Variants in PCDHA6 observed in about 807,000 individuals in gnomAD.
PCDHA6 encodes the protein protocadherin alpha 6.
Under a neutral mutation model 60.3 loss-of-function variants are expected in PCDHA6, and 55 were observed. That is an observed-to-expected ratio of 0.91 (90% CI 0.73 to 1.14). The LOEUF is 1.14. Among genes scored for constraint, PCDHA6 ranks in the 50% most tolerant of loss-of-function variants. PCDHA6 has a pLI of 0.00. For missense variants in PCDHA6, 1,327 were observed against 1,256.5 expected (o/e 1.06, Z -0.85); for synonymous variants, 652 against 557.9 (o/e 1.17, Z -2.38).
At chr5:140,886,123 G>A (rs868933605) in intron 1 of PCDHA6, among the ~76,000 whole-genome samples, 53 of 152,236 alleles carry the variant, frequency 3.5e-4, no homozygotes, top group African/African-American at 1.2e-3. Flanking sequence ...ACATAGTTCC[G>A]TAACAACCAG....
At chr5:140,835,036 G>A (rs1554134704) in intron 1 of PCDHA6, 16 of 1,285,586 alleles carry the variant, frequency 1.2e-5, no homozygotes, top group Non-Finnish European at 6.3e-6. Context: ...ACCGATGGAG[G>A]CAAACCCGAG....
intron 3 of PCDHA6, among the ~76,000 whole-genome samples, chr5:140,993,683 G>A (rs2097577653): frequency 6.6e-6 from 1 of 152,080 alleles, no homozygotes; most frequent in Non-Finnish European, 1.5e-5. Flanking sequence ...TGTGACAGCT[G>A]TCCCATAAGA....
chr5:140,852,779 T>C, intron 1 of PCDHA6: 1 of 979,786 alleles, frequency 1.0e-6, no homozygotes, highest in South Asian at 4.8e-5. Flanking sequence ...TTGATGTGAA[T>C]AGAGGGATGC....
chr5:140,854,198 CT>C, intron 1 of PCDHA6: 1 of 547,978 alleles, frequency 1.8e-6, no homozygotes, highest in Non-Finnish European at 2.3e-6. Flanking sequence ...CTACTCCCTA[CT>C]TTTTATTCAA....
At chr5:140,967,107 G>C (rs782199698) in intron 1 of PCDHA6, 1 of 1,612,994 alleles carries the variant, frequency 6.2e-7, no homozygotes. Flanking sequence ...TGTGAGCAGC[G>C]GCCTCGCTGC....
At chr5:140,942,638 A>T (rs1478847405) in intron 1 of PCDHA6, among the ~76,000 whole-genome samples, 1 of 152,122 alleles carries the variant, frequency 6.6e-6, no homozygotes, top group Non-Finnish European at 1.5e-5. Context: ...AAATGGCAAA[A>T]GAGATCTCAT....
At chr5:140,958,218 A>C (rs1240262632) in intron 1 of PCDHA6, among the ~76,000 whole-genome samples, 2 of 152,120 alleles carry the variant, frequency 1.3e-5, no homozygotes, top group Admixed American at 1.3e-4. Flanking sequence ...TTAGATTTTA[A>C]AGGACTTTCA....
chr5:140,861,442 G>T (rs251368), intron 1 of PCDHA6: 232,262 of 488,424 alleles, frequency 0.48, 56,771 homozygotes, highest in South Asian at 0.56. Context: ...TCCAAAAGCC[G>T]CAGAAACCTT....
chr5:140,952,724 C>T (rs1481919445), intron 1 of PCDHA6, among the ~76,000 whole-genome samples: 1 of 152,100 alleles, frequency 6.6e-6, no homozygotes, highest in African/African-American at 2.4e-5. Flanking sequence ...ATTTTCTGTA[C>T]TAGTCTTTTC....
At chr5:140,839,340 G>A (rs1354702544) in intron 1 of PCDHA6, among the ~76,000 whole-genome samples, 1 of 150,850 alleles carries the variant, frequency 6.6e-6, no homozygotes, top group Admixed American at 6.6e-5. Context: ...AAGTTGATAG[G>A]GGATCCTCCT....
intron 1 of PCDHA6, among the ~76,000 whole-genome samples, chr5:140,833,370 T>C (rs2150208033): frequency 6.6e-6 from 1 of 152,200 alleles, no homozygotes; most frequent in Admixed American, 6.5e-5. Flanking sequence ...GTAAGGTAGA[T>C]CCAAAAAGGA....
chr5:140,851,338 A>T (rs554817085), intron 1 of PCDHA6: 3 of 978,674 alleles, frequency 3.1e-6, no homozygotes, highest in East Asian at 9.3e-5. Flanking sequence ...AGTTCTCTAC[A>T]TTTCTCTGGA....
chr5:140,857,254 T>C (rs2044453142), intron 1 of PCDHA6: 2 of 1,598,512 alleles, frequency 1.3e-6, no homozygotes, highest in East Asian at 4.5e-5. Flanking sequence ...CCTACAAGAA[T>C]TACTACTCAT....
At chr5:140,967,298 G>A in intron 1 of PCDHA6, 1 of 1,612,692 alleles carries the variant, frequency 6.2e-7, no homozygotes, top group Non-Finnish European at 8.5e-7. Flanking sequence ...CCCCGACGTG[G>A]GCGCCAACTC....
At chr5:140,992,486 A>G (rs2097515048) in intron 3 of PCDHA6, among the ~76,000 whole-genome samples, 1 of 152,182 alleles carries the variant, frequency 6.6e-6, no homozygotes, top group Non-Finnish European at 1.5e-5. Flanking sequence ...CCAGAGGCCA[A>G]TCTGTAAGGA....
intron 3 of PCDHA6, among the ~76,000 whole-genome samples, chr5:141,007,067 G>A (rs1352139121): frequency 1.3e-5 from 2 of 152,164 alleles, no homozygotes; most frequent in African/African-American, 4.8e-5. Flanking sequence ...AAAGGAGAGA[G>A]TGAAGAGAAA....
At chr5:140,974,379 T>G (rs2096625482) in intron 1 of PCDHA6, among the ~76,000 whole-genome samples, 1 of 152,250 alleles carries the variant, frequency 6.6e-6, no homozygotes, top group South Asian at 2.1e-4. Flanking sequence ...TCTGTTGTAC[T>G]GGAACCCATT....
chr5:140,880,419 G>A (rs1554171271), intron 1 of PCDHA6, among the ~76,000 whole-genome samples: 2 of 152,106 alleles, frequency 1.3e-5, no homozygotes, highest in Non-Finnish European at 2.9e-5. Context: ...TTAAAAGCGG[G>A]AACAGTTTTT....
intron 1 of PCDHA6, among the ~76,000 whole-genome samples, chr5:140,973,210 C>T (rs112667484): frequency 0.028 from 4,273 of 152,266 alleles, 188 homozygotes; most frequent in African/African-American, 0.096. Flanking sequence ...CATATTCACC[C>T]TAATTCCAGG....
Sources: allele counts gnomAD v4.1 joint callset (sites outside exome capture counted in the v4.1 genomes callset), GRCh38; gene constraint gnomAD v4.1.1; transcripts MANE v1.5; gene names NCBI Gene and HGNC (gene_info 2026-07-23, HGNC 2026-07-21).